RBFOX1: variants seen among roughly 807,000 people sequenced by gnomAD.
RBFOX1 encodes the protein RNA binding protein fox-1 homolog 1.
In RBFOX1, 8 loss-of-function variants were observed where a neutral mutation model predicts 57.7. The observed-to-expected ratio is 0.14, with a 90% CI of 0.08 to 0.25. The LOEUF is 0.25. Among genes scored for constraint, RBFOX1 ranks in the 10% least tolerant of loss-of-function variants. The pLI, the probability that RBFOX1 is intolerant of heterozygous loss-of-function variation, is 1.00. For missense variants in RBFOX1, 611 were observed against 548.5 expected, an observed-to-expected ratio of 1.11 and a Z score of -1.14; for synonymous variants, 326 against 222.4, an observed-to-expected ratio of 1.47 and a Z score of -4.15.
At chr16:5,984,976 A>ATATATAT (rs1359064334) in intron 4 of RBFOX1, among the ~76,000 whole-genome samples, 8 of 55,712 alleles carry the variant, frequency 1.4e-4, no homozygotes, top group African/African-American at 6.1e-4. Context: ...ATATATATAT[A>ATATATAT]TTTTTTTTTT....
chr16:7,514,248 A>G (rs1441044057), intron 4 of RBFOX1, among the ~76,000 whole-genome samples: 3 of 152,082 alleles, frequency 2.0e-5, no homozygotes, highest in Non-Finnish European at 4.4e-5. Context: ...ATAAAACTTT[A>G]TTTACAAAAA....
chr16:7,018,355 A>C (rs1331331659), intron 3 of RBFOX1, among the ~76,000 whole-genome samples: 2 of 152,180 alleles, frequency 1.3e-5, no homozygotes, highest in Admixed American at 6.5e-5. Flanking sequence ...GGCCACCTCC[A>C]TTAAGAGTTA....
At chr16:7,122,423 A>G (rs1278973238) in intron 4 of RBFOX1, among the ~76,000 whole-genome samples, 3 of 152,136 alleles carry the variant, frequency 2.0e-5, no homozygotes, top group African/African-American at 7.2e-5. Flanking sequence ...AGAAGAGGAT[A>G]TTCATCAGGC....
At chr16:5,525,927 G>A (rs1265236895) in intron 2 of RBFOX1, among the ~76,000 whole-genome samples, 1 of 152,092 alleles carries the variant, frequency 6.6e-6, no homozygotes, top group South Asian at 2.1e-4. Context: ...CTCTTTACTT[G>A]AAGGCAAGCT....
chr16:7,486,140 T>TTTTG (rs2065315692), intron 4 of RBFOX1, among the ~76,000 whole-genome samples: 3 of 146,532 alleles, frequency 2.0e-5, no homozygotes, highest in Non-Finnish European at 3.0e-5. Context: ...TTTTTTTTTT[T>TTTTG]GAGATGGAGT....
rs74447240 is a variant in RBFOX1, at chr16:7,043,157, A to G, written c.-15-8900A>G. On this transcript the variant is annotated intron_variant, in intron 3 of 15. Transcript: ENST00000550418. ...CTCCTATTTACTCAGTAAGGGTTAG[A>G]TCAAGGGTCTCAGCTCCAGAAACAA... 5.5e-3 allele frequency among the ~76,000 whole-genome samples: 843 copies of G among 152,150 alleles called. 8 individuals carry two copies. The highest frequency in any genetic ancestry group is 0.019 in the African/African-American group (772 of 41,494).
At chr16:7,243,651 G>A (rs903952648) in intron 4 of RBFOX1, among the ~76,000 whole-genome samples, 6 of 152,066 alleles carry the variant, frequency 3.9e-5, no homozygotes, top group African/African-American at 1.4e-4. Context: ...GGGCTCAAGT[G>A]ATCCTCCCAG....
intron 1 of RBFOX1, among the ~76,000 whole-genome samples, chr16:5,389,146 G>A (rs941352705): frequency 7.2e-5 from 11 of 151,944 alleles, no homozygotes; most frequent in East Asian, 3.9e-4. Context: ...AGCCGAGATC[G>A]CGCCACTGCA....
chr16:5,337,431 T>C lies in RBFOX1; in HGVS notation c.219+97326T>C, dbSNP rs117910375. ...CAAGGTGATTTGTTTAGTGTATGAATTAGTTTATAGACCCTCTAAAATATT... is the reference window on the plus strand; with the variant it reads ...CAAGGTGATTTGTTTAGTGTATGAACTAGTTTATAGACCCTCTAAAATATT... On this transcript the variant is annotated intron_variant, in intron 1 of 2. Coordinates refer to the RBFOX1 transcript ENST00000585867. Among the ~76,000 whole-genome samples the C allele has an allele frequency of 7.4e-4, 112 of 152,318 alleles. No homozygotes were observed. In the East Asian group the frequency reaches 0.013, roughly 18 times the overall value.
intron 4 of RBFOX1, among the ~76,000 whole-genome samples, chr16:7,423,618 G>A (rs2098569404): frequency 6.6e-6 from 1 of 152,168 alleles, no homozygotes; most frequent in Non-Finnish European, 1.5e-5. Context: ...GCACAGGGGA[G>A]TGGTTTGCAA....
Position 7,100,008 on chromosome 16 carries a change from G to T in RBFOX1, c.27+47910G>T, listed in dbSNP as rs115449817. ...CATCATGGTCTGAACCAGTCTTTCA[G>T]GTTAAACTTTAGATTGCCCTGGTCG... On this transcript the variant is annotated intron_variant, in intron 4 of 15. Coordinates refer to ENST00000550418, the MANE Select transcript of RBFOX1 (RefSeq NM_018723.4). Among the ~76,000 whole-genome samples, 867 of 152,002 alleles carry T rather than the reference G, an allele frequency of 5.7e-3. 7 individuals are homozygous for T. Among genetic ancestry groups the T allele is most frequent in the African/African-American group, 0.02 (835 of 41,432 alleles).
At chr16:6,272,944 A>T (rs976733504) in intron 1 of RBFOX1, among the ~76,000 whole-genome samples, 2 of 152,314 alleles carry the variant, frequency 1.3e-5, no homozygotes, top group African/African-American at 4.8e-5. Context: ...GATATAAAAC[A>T]TAAAACTATA....
chr16:5,380,057 G>A (rs1232306885), intron 1 of RBFOX1, among the ~76,000 whole-genome samples: 2 of 152,174 alleles, frequency 1.3e-5, no homozygotes, highest in African/African-American at 2.4e-5. Flanking sequence ...GGAAGCCGGT[G>A]ACTAAGGATG....
intron 4 of RBFOX1, among the ~76,000 whole-genome samples, chr16:7,195,841 C>A (rs963506371): frequency 5.9e-5 from 9 of 152,198 alleles, no homozygotes; most frequent in African/African-American, 1.9e-4. Flanking sequence ...GCATGAACCA[C>A]TGTGCCCAGC....
intron 4 of RBFOX1, among the ~76,000 whole-genome samples, chr16:7,154,645 G>T (rs1325517049): frequency 6.6e-6 from 1 of 151,288 alleles, no homozygotes; most frequent in Non-Finnish European, 1.5e-5. Context: ...GATTGGAGAG[G>T]CATAAAACTT....
chr16:6,285,452 C>G (rs963897349), intron 1 of RBFOX1, among the ~76,000 whole-genome samples: 1 of 152,110 alleles, frequency 6.6e-6, no homozygotes, highest in African/African-American at 2.4e-5. Context: ...AGCCAAACAC[C>G]CTGAAATCCC....
chr16:6,357,668 C>T (rs889275167), intron 2 of RBFOX1, among the ~76,000 whole-genome samples: 5 of 151,878 alleles, frequency 3.3e-5, no homozygotes, highest in African/African-American at 1.2e-4. Context: ...GAGAGCTGGA[C>T]ACAGATGCAG....
intron 3 of RBFOX1, among the ~76,000 whole-genome samples, chr16:6,811,762 G>A (rs148367242): frequency 2.0e-5 from 3 of 152,264 alleles, no homozygotes; most frequent in East Asian, 1.9e-4. Flanking sequence ...GGTAGTGCAC[G>A]CCTGTAATCC....
At chr16:5,943,553 C>T (rs570402713) in intron 4 of RBFOX1, among the ~76,000 whole-genome samples, 25 of 152,340 alleles carry the variant, frequency 1.6e-4, no homozygotes, top group African/African-American at 5.8e-4. Flanking sequence ...AGACACAGCA[C>T]TGGGAGACCC....
Sources: allele counts gnomAD v4.1 joint callset (sites outside exome capture counted in the v4.1 genomes callset), GRCh38; gene constraint gnomAD v4.1.1; transcripts MANE v1.5; gene names NCBI Gene and HGNC (gene_info 2026-07-23, HGNC 2026-07-21).